Variants in LRP1B observed in about 807,000 individuals in gnomAD.
LRP1B encodes LDL receptor related protein 1B, also known as low-density lipoprotein receptor-related protein 1B.
In LRP1B, 217 loss-of-function variants were observed where a neutral mutation model predicts 556.6. The observed-to-expected ratio is 0.39, with a 90% CI of 0.35 to 0.44. LRP1B has a LOEUF of 0.44. LRP1B is among the 20% of genes least tolerant of loss of function. The pLI, the probability that LRP1B is intolerant of heterozygous loss-of-function variation, is 1.00. For missense variants in LRP1B, 5,053 were observed against 5,620.8 expected (o/e 0.90, Z 3.23); for synonymous variants, 2,047 against 1,865.8 (o/e 1.10, Z -2.50).
At chr2:141,417,055 C>T (rs537715822) in intron 3 of LRP1B, among the ~76,000 whole-genome samples, 8 of 152,084 alleles carry the variant, frequency 5.3e-5, no homozygotes, top group South Asian at 2.1e-4. Flanking sequence ...CCTATTTTTT[C>T]GTTCTCAAAT....
At chr2:140,404,156 A>G (rs1241094531) in intron 66 of LRP1B, among the ~76,000 whole-genome samples, 2 of 151,358 alleles carry the variant, frequency 1.3e-5, no homozygotes, top group Non-Finnish European at 1.5e-5. Flanking sequence ...GATCTGTACC[A>G]AAATAGAACT....
rs1297264098 is a variant in LRP1B at position 140,335,843 on chromosome 2, A to G, written c.11893-5T>C. 1.9e-5 allele frequency: 30 copies of G among 1,576,636 alleles called. No individual in the cohort carries two copies. The highest frequency in any genetic ancestry group is 2.6e-5 in the Non-Finnish European group (30 of 1,147,580). ...GGGCCTTTTAAATTCAGGACACTACAAGGAAACAAAACAACACACCACGGT... is the reference window on the plus strand; with the variant it reads ...GGGCCTTTTAAATTCAGGACACTACGAGGAAACAAAACAACACACCACGGT... On this transcript the variant is annotated splice_polypyrimidine_tract_variant and splice_region_variant and intron_variant, in intron 77 of 90. Coordinates refer to ENST00000389484, the MANE Select transcript of LRP1B (RefSeq NM_018557.3).
At chr2:140,826,985 A>G (rs1691531057) in intron 31 of LRP1B, among the ~76,000 whole-genome samples, 1 of 152,186 alleles carries the variant, frequency 6.6e-6, no homozygotes, top group Non-Finnish European at 1.5e-5. Context: ...GAGCCAAGGT[A>G]TCCTCGTTAG....
intron 3 of LRP1B, among the ~76,000 whole-genome samples, chr2:141,434,389 T>C (rs11891541): frequency 0.44 from 67,252 of 151,750 alleles, 15,631 homozygotes; most frequent in East Asian, 0.69. Flanking sequence ...TCTAGTGAAT[T>C]TTCATTTTGG....
chr2:141,464,603 TATA>T (rs1682095817), intron 3 of LRP1B, among the ~76,000 whole-genome samples: 1 of 104,166 alleles, frequency 9.6e-6, no homozygotes, highest in African/African-American at 3.7e-5. Flanking sequence ...TATATATATA[TATA>T]TTTTTTTAGT....
chr2:140,640,231 T>G (rs1684232959), intron 41 of LRP1B, among the ~76,000 whole-genome samples: 1 of 150,696 alleles, frequency 6.6e-6, no homozygotes, highest in Non-Finnish European at 1.5e-5. Context: ...TGACTCGTGA[T>G]CCACCCGCCT....
intron 1 of LRP1B, among the ~76,000 whole-genome samples, chr2:141,996,321 T>C (rs1264886706): frequency 1.3e-5 from 2 of 152,090 alleles, no homozygotes; most frequent in Non-Finnish European, 1.5e-5. Flanking sequence ...TGTGAATGAA[T>C]CAACACTGAC....
chr2:141,878,518 G>T (rs897638899), intron 1 of LRP1B, among the ~76,000 whole-genome samples: 8 of 151,764 alleles, frequency 5.3e-5, no homozygotes, highest in African/African-American at 1.7e-4. Flanking sequence ...CAAATAGAAT[G>T]GAGAATAGAA....
chr2:141,211,929 A>G (rs1004230884), intron 6 of LRP1B, among the ~76,000 whole-genome samples: 4 of 152,134 alleles, frequency 2.6e-5, no homozygotes, highest in East Asian at 3.9e-4. Flanking sequence ...TTATTAATCA[A>G]CTTCACAGCC....
intron 87 of LRP1B, among the ~76,000 whole-genome samples, chr2:140,239,840 G>GA (rs1364418852): frequency 6.6e-6 from 1 of 150,874 alleles, no homozygotes; most frequent in Admixed American, 6.6e-5. Context: ...TACTAGCAAT[G>GA]ATGCAAGTAC....
At chr2:142,099,106 A>C (rs1706480252) in intron 1 of LRP1B, among the ~76,000 whole-genome samples, 1 of 151,870 alleles carries the variant, frequency 6.6e-6, no homozygotes, top group South Asian at 2.1e-4. Context: ...GCACAAGTTG[A>C]TATCCAGTAC....
chr2:140,618,598 A>C (rs937647288), intron 41 of LRP1B, among the ~76,000 whole-genome samples: 2 of 152,188 alleles, frequency 1.3e-5, no homozygotes, highest in African/African-American at 4.8e-5. Flanking sequence ...TTAGAAAAAC[A>C]AAAGACACAA....
chr2:140,580,283 G>A (rs183660372), intron 43 of LRP1B, among the ~76,000 whole-genome samples: 3 of 152,180 alleles, frequency 2.0e-5, no homozygotes, highest in African/African-American at 7.2e-5. Flanking sequence ...TATTGGGGAG[G>A]GTCAAAAGAA....
chr2:142,091,758 G>A (rs1706181293), intron 1 of LRP1B, among the ~76,000 whole-genome samples: 1 of 152,120 alleles, frequency 6.6e-6, no homozygotes, highest in South Asian at 2.1e-4. Context: ...GTCTAAGAAA[G>A]TCATGACTAG....
At chr2:141,136,672 T>C (rs1701500958) in intron 7 of LRP1B, among the ~76,000 whole-genome samples, 1 of 151,294 alleles carries the variant, frequency 6.6e-6, no homozygotes, top group Non-Finnish European at 1.5e-5. Flanking sequence ...GTAAATTAAT[T>C]AGGAAAAAGG....
At chr2:141,826,438 C>G (rs1696929717) in intron 1 of LRP1B, among the ~76,000 whole-genome samples, 1 of 141,584 alleles carries the variant, frequency 7.1e-6, no homozygotes. Context: ...CGGCTCACTG[C>G]AAGCTCCGCC....
chr2:141,069,756 C>T (rs1699583245), intron 7 of LRP1B, among the ~76,000 whole-genome samples: 1 of 152,052 alleles, frequency 6.6e-6, no homozygotes, highest in African/African-American at 2.4e-5. Flanking sequence ...ATAAACCCAC[C>T]TCTGTCTTAG....
chr2:141,286,090 G>A (rs1002981640), intron 3 of LRP1B, among the ~76,000 whole-genome samples: 2 of 122,446 alleles, frequency 1.6e-5, no homozygotes, highest in African/African-American at 7.4e-5. Context: ...AAAAAAAAAT[G>A]TTCAATACCT....
chr2:141,486,765 C>A (rs948147362), intron 2 of LRP1B, among the ~76,000 whole-genome samples: 2 of 150,594 alleles, frequency 1.3e-5, no homozygotes, highest in Non-Finnish European at 2.9e-5. Flanking sequence ...GTTGCTTTTG[C>A]TCTTTAAACT....
Sources: allele counts gnomAD v4.1 joint callset (sites outside exome capture counted in the v4.1 genomes callset), GRCh38; gene constraint gnomAD v4.1.1; transcripts MANE v1.5; gene names NCBI Gene and HGNC (gene_info 2026-07-23, HGNC 2026-07-21).